ZFHX3: variants seen among roughly 807,000 people sequenced by gnomAD.
ZFHX3 encodes zinc finger homeobox 3.
Under a neutral mutation model 279.1 loss-of-function variants are expected in ZFHX3, and 42 were observed. The ratio of observed to expected loss-of-function variants is 0.15; its 90% CI spans 0.12 to 0.19. The LOEUF is 0.19. ZFHX3 is among the 10% of genes least tolerant of loss of function. ZFHX3 has a pLI of 1.00. For synonymous variants in ZFHX3, 2,293 were observed against 1,957.8 expected (o/e 1.17, Z -4.52); for missense variants, 4,981 against 4,754.0 (o/e 1.05, Z -1.40).
At chr16:73,834,570 C>T (rs1274041527) in intron 1 of ZFHX3, among the ~76,000 whole-genome samples, 2 of 152,308 alleles carry the variant, frequency 1.3e-5, no homozygotes, top group South Asian at 2.1e-4. Context: ...GCAGATACTT[C>T]CTCACTTGGA....
intron 4 of ZFHX3, among the ~76,000 whole-genome samples, chr16:72,889,487 TA>T (rs372928371): frequency 0.13 from 14,977 of 115,708 alleles, 1,234 homozygotes; most frequent in African/African-American, 0.29. Context: ...CAATTTCCTT[TA>T]AAAAAAAAAA....
At chr16:73,330,698 T>C (rs1029401775) in intron 3 of ZFHX3, among the ~76,000 whole-genome samples, 54 of 152,144 alleles carry the variant, frequency 3.5e-4, no homozygotes, top group African/African-American at 1.3e-3. Flanking sequence ...ATGTTGATGC[T>C]GAGATTGAGG....
At chr16:73,871,495 AGAG>A (rs1962163258) in intron 1 of ZFHX3, among the ~76,000 whole-genome samples, 2 of 144,368 alleles carry the variant, frequency 1.4e-5, no homozygotes, top group African/African-American at 5.5e-5. Flanking sequence ...AAAAAAAAAA[AGAG>A]AGAGAGAGAG....
intron 2 of ZFHX3, among the ~76,000 whole-genome samples, chr16:73,542,611 T>C (rs1328843649): frequency 6.6e-6 from 1 of 152,234 alleles, no homozygotes; most frequent in African/African-American, 2.4e-5. Flanking sequence ...TATCTTCATT[T>C]GATATAGCAG....
chr16:73,512,272 CAAAAAAAAAAAAAAA>C (rs3087038), intron 2 of ZFHX3, among the ~76,000 whole-genome samples: 147 of 87,842 alleles, frequency 1.7e-3, no homozygotes, highest in African/African-American at 6.4e-3. Flanking sequence ...CACTAAAATA[CAAAAAAAAAAAAAAA>C]AAAAAAAAAA....
At chr16:73,682,690 G>C (rs527389852) in intron 1 of ZFHX3, among the ~76,000 whole-genome samples, 2 of 151,710 alleles carry the variant, frequency 1.3e-5, no homozygotes, top group Non-Finnish European at 2.9e-5. Context: ...GGGAGGCTGA[G>C]GCAGGAGAAT....
chr16:72,794,666 A>T lies in ZFHX3; in HGVS notation c.8016T>A (p.Asp2672Glu). Residue 2672 changes from aspartate to glutamate, a missense_variant, in exon 9 of 10, where the codon GAT becomes GAA. Physicochemically the swap from Asp to Glu is conservative, Grantham distance 45 (BLOSUM62 2). This residue lies in a region of ZFHX3 where 744 missense variants were observed against 701.3 expected (regional missense o/e 1.06). Transcript: ENST00000268489. This position sits in a 1 kb window ranked among gnomAD's most constrained non-coding sequence, Gnocchi z 4.2. ...LDSNPTRKML[D>E]HIAHEVGLKK... The stretch of plus-strand genomic sequence containing the variant: ...TCAAGCCCACCTCGTGTGCAATGTG[A>T]TCCAACATCTTTCGAGTCGGATTGG... 6.2e-7 allele frequency: 1 copy of T among 1,614,138 alleles called. No individual in the cohort carries two copies. The highest frequency in any genetic ancestry group is 1.7e-5 in the Admixed American group (1 of 60,022).
At chr16:72,898,138 T>C (rs1318748718) in intron 3 of ZFHX3, among the ~76,000 whole-genome samples, 1 of 152,176 alleles carries the variant, frequency 6.6e-6, no homozygotes, top group Non-Finnish European at 1.5e-5. Context: ...AATATATATG[T>C]ATATTCTGTT....
intron 1 of ZFHX3, among the ~76,000 whole-genome samples, chr16:73,706,740 C>A (rs142450760): frequency 6.6e-6 from 1 of 152,214 alleles, no homozygotes; most frequent in Non-Finnish European, 1.5e-5. Flanking sequence ...AACATAGTTC[C>A]CCATCCTTCA....
At chr16:73,280,711 G>T (rs1247457221) in intron 4 of ZFHX3, among the ~76,000 whole-genome samples, 1 of 152,028 alleles carries the variant, frequency 6.6e-6, no homozygotes, top group Non-Finnish European at 1.5e-5. Context: ...AGGCATGGTG[G>T]CTCACAAAGT....
chr16:73,595,690 G>A (rs189251784), intron 2 of ZFHX3, among the ~76,000 whole-genome samples: 17 of 152,080 alleles, frequency 1.1e-4, no homozygotes, highest in Admixed American at 2.6e-4. Context: ...GTCACTTTAC[G>A]GGTATCTCTT....
At chr16:73,865,626 C>T (rs1389237703) in intron 1 of ZFHX3, among the ~76,000 whole-genome samples, 2 of 152,194 alleles carry the variant, frequency 1.3e-5, no homozygotes, top group African/African-American at 2.4e-5. Flanking sequence ...GTTCCAGGTC[C>T]TGATTTGGGG....
chr16:73,567,518 A>T (rs929802296), intron 2 of ZFHX3, among the ~76,000 whole-genome samples: 2 of 152,130 alleles, frequency 1.3e-5, no homozygotes, highest in African/African-American at 2.4e-5. Context: ...CTTCAACTGC[A>T]TTTTTCTCTA....
At chr16:73,704,442 T>C (rs553188998) in intron 1 of ZFHX3, among the ~76,000 whole-genome samples, 24 of 152,282 alleles carry the variant, frequency 1.6e-4, no homozygotes, top group Middle Eastern at 6.8e-3. Flanking sequence ...TTAAATCGTT[T>C]TAAAGTCATT....
At chr16:72,895,873 C>CTAGACAGA (rs2038887072) in intron 3 of ZFHX3, among the ~76,000 whole-genome samples, 1 of 151,776 alleles carries the variant, frequency 6.6e-6, no homozygotes, top group Non-Finnish European at 1.5e-5. Flanking sequence ...GTAGATTAGA[C>CTAGACAGA]TAGATAGATA....
intron 7 of ZFHX3, among the ~76,000 whole-genome samples, chr16:73,126,434 AC>A (rs1175983674): frequency 6.6e-6 from 1 of 152,116 alleles, no homozygotes; most frequent in Non-Finnish European, 1.5e-5. Flanking sequence ...GGACTGAAGT[AC>A]TGGATGTGTC....
chr16:72,916,955 A>G lies in ZFHX3; in HGVS notation c.3217-26993T>C, dbSNP rs191199086. 2.8e-4 allele frequency among the ~76,000 whole-genome samples: 43 copies of G among 152,256 alleles called. 1 individual carries two copies. The East Asian group carries it at 7.5e-3, about 27-fold the overall frequency. On this transcript the variant is annotated intron_variant, in intron 3 of 9. Coordinates refer to ENST00000268489, the MANE Select transcript of ZFHX3 (RefSeq NM_006885.4). ...AGTTCTAAGCTTAACAAAGCAGAAG[A>G]AGGCCAGGTGCAGTGGCTCACACCT...
chr16:73,369,616 G>A (rs1280724293), intron 3 of ZFHX3, among the ~76,000 whole-genome samples: 1 of 152,278 alleles, frequency 6.6e-6, no homozygotes, highest in African/African-American at 2.4e-5. Flanking sequence ...CCACAAAACA[G>A]CATGCCAGTG....
chr16:73,367,488 C>T (rs2016549729), intron 3 of ZFHX3, among the ~76,000 whole-genome samples: 1 of 152,172 alleles, frequency 6.6e-6, no homozygotes, highest in Non-Finnish European at 1.5e-5. Flanking sequence ...CCCACAGAGA[C>T]ATGAAAACAT....
Sources: gnomAD v4.1 joint callset for allele counts (sites outside exome capture counted in the v4.1 genomes callset) on GRCh38, gnomAD v4.1.1 for gene constraint, gnomAD v4.1.1 regional missense constraint, Gnocchi (gnomAD v3.1) non-coding constraint, MANE v1.5 for transcripts, NCBI Gene and HGNC (gene_info 2026-07-23, HGNC 2026-07-21) for gene names.